Variants in PEAK1 observed in about 807,000 individuals in gnomAD.
PEAK1 encodes pseudopodium enriched atypical kinase 1, also known as inactive tyrosine-protein kinase PEAK1.
In PEAK1, 54 loss-of-function variants were observed where a neutral mutation model predicts 124.7. That is an observed-to-expected ratio of 0.43 (90% confidence interval 0.35 to 0.54). The LOEUF (loss-of-function observed/expected upper bound fraction) is 0.54. Ranked by LOEUF, PEAK1 falls within the 20% of genes least tolerant of loss-of-function variation. The probability of loss-of-function intolerance (pLI) is 0.01; values close to 1 mark genes in which losing one functional copy is unlikely to be tolerated. For missense variants in PEAK1, 2,046 were observed against 2,134.5 expected (o/e 0.96, Z 0.82); for synonymous variants, 719 against 760.0 (o/e 0.95, Z 0.89).
intron 6 of PEAK1, among the ~76,000 whole-genome samples, chr15:77,246,367 T>C (rs2060588303): frequency 6.6e-6 from 1 of 152,000 alleles, no homozygotes; most frequent in Non-Finnish European, 1.5e-5. Flanking sequence ...AGAGCTGACA[T>C]CTTAATATTG....
At chr15:77,239,888 A>C in intron 6 of PEAK1, 1 of 971,632 alleles carries the variant, frequency 1.0e-6, no homozygotes, top group Non-Finnish European at 1.2e-6. Flanking sequence ...AGAGAGTAAA[A>C]TCTGTCAATA....
At chr15:77,116,204 T>A (rs150938712) in intron 9 of PEAK1, among the ~76,000 whole-genome samples, 392 of 152,316 alleles carry the variant, frequency 2.6e-3, no homozygotes, top group African/African-American at 9.1e-3. Context: ...CCAAATGGGT[T>A]ATTCTCATGC....
chr15:77,321,217 G>A (rs539098177), intron 2 of PEAK1, among the ~76,000 whole-genome samples: 1 of 152,140 alleles, frequency 6.6e-6, no homozygotes, highest in East Asian at 1.9e-4. Flanking sequence ...TAGTTCTAGA[G>A]CCCTGAGGCA....
chr15:77,230,147 A>G lies in PEAK1; in HGVS notation c.-115+22220T>C, dbSNP rs139638825. ...TTATAAATGCTATTATAAAATACTT[A>G]TTGGGTGAAGGAAGTGTCTGGAAAG... is the stretch of plus-strand genomic sequence containing the variant. On this transcript the variant is annotated intron_variant, in intron 6 of 9. Transcript: ENST00000682557. Among the ~76,000 whole-genome samples, 3 of 152,192 alleles carry G rather than the reference A, an allele frequency of 2.0e-5. No homozygotes were observed. In the East Asian group the frequency reaches 5.8e-4, roughly 29 times the overall value.
At chr15:77,331,087 A>G (rs529435335) in intron 2 of PEAK1, 2 of 689,396 alleles carry the variant, frequency 2.9e-6, no homozygotes, top group Admixed American at 1.3e-4. Flanking sequence ...TATACTATGT[A>G]GTACATTGAA....
chr15:77,281,312 AAAGT>A (rs2062661592), intron 5 of PEAK1, among the ~76,000 whole-genome samples: 2 of 152,326 alleles, frequency 1.3e-5, no homozygotes, highest in African/African-American at 4.8e-5. Context: ...TGGAGAAAAG[AAAGT>A]AAGCCATTGT....
At chr15:77,222,060 T>A (rs542553470) in intron 6 of PEAK1, among the ~76,000 whole-genome samples, 2 of 152,130 alleles carry the variant, frequency 1.3e-5, no homozygotes, top group South Asian at 4.1e-4. Context: ...TTTTTCTTTT[T>A]CAAAATAAAG....
At chr15:77,341,525 G>A (rs576065076) in intron 2 of PEAK1, among the ~76,000 whole-genome samples, 1 of 151,708 alleles carries the variant, frequency 6.6e-6, no homozygotes, top group Non-Finnish European at 1.5e-5. Context: ...AAGCTCCACT[G>A]AGCTTTGGTG....
intron 1 of PEAK1, among the ~76,000 whole-genome samples, chr15:77,378,297 A>G (rs1488081690): frequency 1.3e-5 from 2 of 151,652 alleles, no homozygotes; most frequent in African/African-American, 2.4e-5. Flanking sequence ...TTTACGAAGC[A>G]TCTCATTTCT....
chr15:77,404,185 G>T (rs962559875), intron 1 of PEAK1: 4 of 985,388 alleles, frequency 4.1e-6, no homozygotes, highest in Non-Finnish European at 4.8e-6. Flanking sequence ...TGAGGCAAAG[G>T]TTTAACATCT....
intron 2 of PEAK1, among the ~76,000 whole-genome samples, chr15:77,362,839 T>A (rs1040984312): frequency 6.6e-6 from 1 of 151,670 alleles, no homozygotes; most frequent in African/African-American, 2.4e-5. Flanking sequence ...GAAAAAAAAG[T>A]GTGACTTTTT....
chr15:77,226,383 CA>C (rs1345395483), intron 6 of PEAK1, among the ~76,000 whole-genome samples: 1 of 151,696 alleles, frequency 6.6e-6, no homozygotes, highest in Non-Finnish European at 1.5e-5. Context: ...GTTTCACTGA[CA>C]AAAATCCATT....
At chr15:77,152,605 G>A (rs1261458062) in intron 8 of PEAK1, among the ~76,000 whole-genome samples, 1 of 152,132 alleles carries the variant, frequency 6.6e-6, no homozygotes, top group East Asian at 1.9e-4. Context: ...TGCTCATTCA[G>A]TATGATATTG....
At chr15:77,325,997 T>A (rs2065553958) in intron 2 of PEAK1, among the ~76,000 whole-genome samples, 1 of 151,950 alleles carries the variant, frequency 6.6e-6, no homozygotes, top group Admixed American at 6.6e-5. Flanking sequence ...CATAGACTAC[T>A]CTAACTTCTA....
In PEAK1 at chr15:77,284,941, G is replaced by A. The variant is rs2062848873; in HGVS notation, c.-423+17C>T. On this transcript the variant is annotated intron_variant, in intron 4 of 9. Coordinates refer to ENST00000682557, the MANE Select transcript of PEAK1 (RefSeq NM_001385026.1). ...ACACACACACACACACAATTAGCCA[G>A]GTGTGGTGGCACGCACCTGTAGACC... 6.6e-6 allele frequency: 1 copy of A among 151,388 alleles called. No homozygotes were observed. The highest frequency in any genetic ancestry group is 6.6e-5 in the Admixed American group (1 of 15,178). 9.4% of individuals were successfully genotyped at this position (151,388 alleles called of 1,614,324 possible). A position where few individuals can be genotyped will look rare whatever the true frequency, so the allele number is the denominator to read the frequency against.
chr15:77,345,916 C>G, intron 2 of PEAK1: 1 of 984,826 alleles, frequency 1.0e-6, no homozygotes. Flanking sequence ...CATTTAAAGC[C>G]TACACATACA....
chr15:77,111,451 A>AC lies in PEAK1; in HGVS notation c.*2704dup, dbSNP rs1315357415. 2 of 152,014 alleles carry AC rather than the reference A, an allele frequency of 1.3e-5. No individual in the cohort carries two copies. Among genetic ancestry groups the AC allele is most frequent in the African/African-American group, 4.8e-5 (2 of 41,384 alleles). The allele number at this position is 152,014 out of a possible 1,614,324, so 9.4% of individuals were successfully genotyped here. On this transcript the variant is annotated 3_prime_UTR_variant, in exon 10 of 10. Coordinates refer to ENST00000682557, the MANE Select transcript of PEAK1 (RefSeq NM_001385026.1). The stretch of plus-strand genomic sequence containing the variant: ...TCTCTATTCTGCTCTAACCTGTAAC[A>AC]CCCCCTTCCCTCTCTATCTCACATT...
intron 1 of PEAK1, among the ~76,000 whole-genome samples, chr15:77,387,029 G>C (rs537766514): frequency 6.6e-6 from 1 of 152,192 alleles, no homozygotes; most frequent in South Asian, 2.1e-4. Context: ...ATAAAGTGCA[G>C]ACGTATAAGT....
chr15:77,389,516 GGAT>G (rs2070272263), intron 1 of PEAK1, among the ~76,000 whole-genome samples: 3 of 152,044 alleles, frequency 2.0e-5, no homozygotes, highest in Admixed American at 2.0e-4. Context: ...AACAAAGCTG[GGAT>G]GATAACTTGT....
Sources: gnomAD v4.1 joint callset for allele counts (sites outside exome capture counted in the v4.1 genomes callset) on GRCh38, gnomAD v4.1.1 for gene constraint, MANE v1.5 for transcripts, NCBI Gene and HGNC (gene_info 2026-07-23, HGNC 2026-07-21) for gene names.